Variants in KCNT2 observed in about 807,000 individuals in gnomAD.
KCNT2 encodes potassium channel subfamily T member 2.
A neutral mutation model predicts 153.8 loss-of-function variants in KCNT2; 67 were observed. The observed-to-expected ratio is 0.44, with a 90% confidence interval of 0.36 to 0.53. The LOEUF (loss-of-function observed/expected upper bound fraction) is 0.53. Ranked by LOEUF, KCNT2 falls within the 20% of genes least tolerant of loss-of-function variation. KCNT2 has a pLI of 0.00. For missense variants in KCNT2, 975 were observed against 1,354.8 expected, an observed-to-expected ratio of 0.72 and a Z score of 4.40; for synonymous variants, 500 against 458.8, an observed-to-expected ratio of 1.09 and a Z score of -1.15.
At chr1:196,414,180 A>C (rs552845737) in intron 12 of KCNT2, among the ~76,000 whole-genome samples, 1 of 151,740 alleles carries the variant, frequency 6.6e-6, no homozygotes, top group Admixed American at 6.6e-5. Context: ...TCAATTATAC[A>C]GATTTTAAAA....
At chr1:196,381,664 G>T (rs1041012308) in intron 13 of KCNT2, among the ~76,000 whole-genome samples, 3 of 152,146 alleles carry the variant, frequency 2.0e-5, no homozygotes, top group Admixed American at 1.3e-4. Flanking sequence ...ATAGGTAACA[G>T]AATGTAGCAG....
At chr1:196,322,325 G>T (rs1236305239) in intron 19 of KCNT2, among the ~76,000 whole-genome samples, 1 of 151,664 alleles carries the variant, frequency 6.6e-6, no homozygotes, top group East Asian at 1.9e-4. Context: ...AATATATAAA[G>T]AAGTATTTGA....
At chr1:196,533,341 A>C (rs1367967693) in intron 1 of KCNT2, among the ~76,000 whole-genome samples, 1 of 152,130 alleles carries the variant, frequency 6.6e-6, no homozygotes, top group African/African-American at 2.4e-5. Context: ...TTACAATTAC[A>C]AAAGGAGATC....
chr1:196,411,877 T>C (rs891650861), intron 12 of KCNT2, among the ~76,000 whole-genome samples: 4 of 151,860 alleles, frequency 2.6e-5, no homozygotes, highest in African/African-American at 7.2e-5. Context: ...TGTTTTTAAC[T>C]ATAGATATGC....
At chr1:196,405,857 T>C (rs1307723034) in intron 12 of KCNT2, among the ~76,000 whole-genome samples, 1 of 151,592 alleles carries the variant, frequency 6.6e-6, no homozygotes, top group Non-Finnish European at 1.5e-5. Flanking sequence ...TACATGTAGA[T>C]AGATTTGCCC....
At chr1:196,509,348 A>G (rs1681419849) in intron 1 of KCNT2, among the ~76,000 whole-genome samples, 1 of 151,550 alleles carries the variant, frequency 6.6e-6, no homozygotes, top group African/African-American at 2.4e-5. Context: ...TTAAATATCC[A>G]CTGACAGGGA....
rs540220342 is a variant in KCNT2 at position 196,451,997 on chromosome 1, G to A, written c.638+13296C>T. On this transcript the variant is annotated intron_variant, in intron 8 of 27. Coordinates refer to ENST00000294725, the MANE Select transcript of KCNT2 (RefSeq NM_198503.5). The stretch of plus-strand genomic sequence containing the variant: ...TTTTTCAAGACAGTTATTAGAATCG[G>A]GTAATAGACAAGTATTCCCACACAG... Among the ~76,000 whole-genome samples, 4 of 151,482 alleles carry A rather than the reference G, an allele frequency of 2.6e-5. No homozygotes were observed. The East Asian group carries it at 7.8e-4, about 30-fold the overall frequency.
chr1:196,470,464 G>A (rs1461121541), intron 5 of KCNT2, among the ~76,000 whole-genome samples: 1 of 152,160 alleles, frequency 6.6e-6, no homozygotes, highest in East Asian at 1.9e-4. Context: ...CTGTGTAGCT[G>A]AAGGTGAAAT....
Position 196,333,974 on chromosome 1 carries a change from T to C in KCNT2, c.1870A>G (p.Ile624Val), listed in dbSNP as rs140016748. The C allele has an allele frequency of 3.7e-6, 6 of 1,613,342 alleles. No homozygotes were observed. The highest frequency in any genetic ancestry group is 1.3e-5 in the African/African-American group (1 of 74,982). ...ACAGGAGCAATGCTAGGTCTTCTTA[T>C]TTCTTTGCTTCCCTCTGTAGGAAGA... is the stretch of plus-strand genomic sequence containing the variant. ...LSLPTEGSKE[I>V]RRPSIAPVLE... is the part of the protein sequence containing the mutation. Residue 624 changes from isoleucine to valine, a missense_variant, in exon 17 of 28, where the codon ATA becomes GTA. By Grantham distance (29) the Ile-to-Val change is conservative. Coordinates refer to ENST00000294725, the MANE Select transcript of KCNT2 (RefSeq NM_198503.5).
chr1:196,391,309 T>C (rs151146057), intron 13 of KCNT2, among the ~76,000 whole-genome samples: 36 of 151,526 alleles, frequency 2.4e-4, no homozygotes, highest in African/African-American at 8.0e-4. Context: ...AAATTGATCA[T>C]AGTACAAATC....
At chr1:196,381,235 T>C (rs1049144273) in intron 13 of KCNT2, among the ~76,000 whole-genome samples, 2 of 152,122 alleles carry the variant, frequency 1.3e-5, no homozygotes, top group Non-Finnish European at 2.9e-5. Context: ...AAATTTCCTC[T>C]ACCCTAGTGC....
chr1:196,296,457 T>G (rs1174212381), intron 22 of KCNT2, among the ~76,000 whole-genome samples: 1 of 152,000 alleles, frequency 6.6e-6, no homozygotes, highest in African/African-American at 2.4e-5. Flanking sequence ...AATATATTAC[T>G]GGAAGGAATT....
intron 5 of KCNT2, among the ~76,000 whole-genome samples, chr1:196,475,564 C>T (rs1000540862): frequency 3.3e-5 from 5 of 151,772 alleles, no homozygotes; most frequent in Non-Finnish European, 4.4e-5. Flanking sequence ...GAGACAATCA[C>T]GCCACTGCAC....
chr1:196,557,361 A>T (rs930068770), intron 1 of KCNT2, among the ~76,000 whole-genome samples: 3 of 151,456 alleles, frequency 2.0e-5, no homozygotes, highest in African/African-American at 7.2e-5. Flanking sequence ...ACTTTTCTAG[A>T]ATTCTCATAG....
At chr1:196,607,396 TAGAC>T (rs1430946592) in intron 1 of KCNT2, among the ~76,000 whole-genome samples, 2 of 152,156 alleles carry the variant, frequency 1.3e-5, no homozygotes, top group African/African-American at 2.4e-5. Flanking sequence ...GAGACAGAAA[TAGAC>T]AGAGGAATTT....
rs184910521 is a variant in KCNT2 at position 196,519,855 on chromosome 1, T to C, written c.96-27514A>G. Among the ~76,000 whole-genome samples the C allele has an allele frequency of 1.1e-3, 160 of 152,228 alleles. 1 individual carries two copies. The highest frequency in any genetic ancestry group is 3.7e-3 in the African/African-American group (152 of 41,554). ...AGACCAGAAAGATTCACAGCTGAAT[T>C]CTACCAGATGTACAAGGAAGATCTA... is the stretch of plus-strand genomic sequence containing the variant. On this transcript the variant is annotated intron_variant, in intron 1 of 27. Transcript: ENST00000294725.
intron 5 of KCNT2, among the ~76,000 whole-genome samples, chr1:196,470,912 C>T (rs1383746894): frequency 7.7e-6 from 1 of 129,912 alleles, no homozygotes; most frequent in Non-Finnish European, 1.5e-5. Flanking sequence ...CAGAGTCTCG[C>T]TCTGTCACCC....
intron 1 of KCNT2, among the ~76,000 whole-genome samples, chr1:196,519,645 T>A (rs1653077791): frequency 6.6e-6 from 1 of 151,936 alleles, no homozygotes; most frequent in Non-Finnish European, 1.5e-5. Context: ...CAAATAACCA[T>A]CAGAGACTAC....
rs183228576 is a variant in KCNT2 at position 196,496,385 on chromosome 1, G to A, written c.96-4044C>T. ...CTGGAGGCTGCGGAAGGAGAATGGC[G>A]TGAACCTGAGAGGCAGAGGTTGCAG... On this transcript the variant is annotated intron_variant, in intron 1 of 27. Transcript: ENST00000294725. Among the ~76,000 whole-genome samples, 830 of 151,356 alleles carry A rather than the reference G, an allele frequency of 5.5e-3. 6 individuals carry two copies. The highest frequency in any genetic ancestry group is 0.019 in the African/African-American group (768 of 41,206).
Sources: allele counts gnomAD v4.1 joint callset (sites outside exome capture counted in the v4.1 genomes callset), GRCh38; gene constraint gnomAD v4.1.1; transcripts MANE v1.5; gene names NCBI Gene and HGNC (gene_info 2026-07-23, HGNC 2026-07-21).